Variants in TMEM117 observed in about 807,000 individuals in gnomAD.
TMEM117 encodes transmembrane protein 117.
A neutral mutation model predicts 52.4 loss-of-function variants in TMEM117; 27 were observed. That is an observed-to-expected ratio of 0.51 (90% CI 0.38 to 0.71). The LOEUF (loss-of-function observed/expected upper bound fraction) is 0.71. Ranked by LOEUF, TMEM117 falls within the 30% of genes least tolerant of loss-of-function variation. The pLI is 0.00. For missense variants in TMEM117, 556 were observed against 630.5 expected (o/e 0.88, Z 1.26); for synonymous variants, 215 against 206.3 (o/e 1.04, Z -0.36).
intron 3 of TMEM117, among the ~76,000 whole-genome samples, chr12:44,060,363 C>T (rs1423166154): frequency 6.6e-6 from 1 of 152,112 alleles, no homozygotes; most frequent in Non-Finnish European, 1.5e-5. Context: ...TTTGTCTAGT[C>T]TTTGAAGGAA....
chr12:43,894,335 G>T (rs1003474576), intron 2 of TMEM117, among the ~76,000 whole-genome samples: 2 of 152,040 alleles, frequency 1.3e-5, no homozygotes, highest in Admixed American at 6.6e-5. Context: ...GAGAATGGTG[G>T]CTGGTTCATT....
intron 3 of TMEM117, among the ~76,000 whole-genome samples, chr12:44,045,475 C>T (rs1049038296): frequency 1.1e-4 from 16 of 152,212 alleles, no homozygotes; most frequent in African/African-American, 2.9e-4. Flanking sequence ...CGTGGACTCA[C>T]GGAATGCCTT....
intron 6 of TMEM117, among the ~76,000 whole-genome samples, chr12:44,303,297 C>A (rs565700871): frequency 1.3e-5 from 2 of 152,116 alleles, no homozygotes; most frequent in East Asian, 3.9e-4. Context: ...GATCCGCCCA[C>A]CTCGGCCTCC....
intron 3 of TMEM117, among the ~76,000 whole-genome samples, chr12:44,122,232 G>C (rs1829349538): frequency 6.6e-6 from 1 of 151,840 alleles, no homozygotes; most frequent in African/African-American, 2.4e-5. Flanking sequence ...TTTTAGTAGA[G>C]ACGGGGTTTC....
At chr12:44,374,631 T>TGTGTGA (rs1951914710) in intron 6 of TMEM117, among the ~76,000 whole-genome samples, 1 of 151,384 alleles carries the variant, frequency 6.6e-6, no homozygotes, top group Non-Finnish European at 1.5e-5. Context: ...TGTGTGTGTG[T>TGTGTGA]GTGTGTGTGT....
At chr12:44,179,013 G>A (rs572504726) in intron 4 of TMEM117, among the ~76,000 whole-genome samples, 2 of 152,156 alleles carry the variant, frequency 1.3e-5, no homozygotes, top group South Asian at 2.1e-4. Context: ...GGCCAAAATG[G>A]GAAAACCCCA....
At chr12:43,795,907 G>A in the TMEM117 span, 2 of 682,396 alleles carry the variant, frequency 2.9e-6, no homozygotes, top group Non-Finnish European at 4.8e-6. Flanking sequence ...TCTTTTGGGG[G>A]AAGGGGCTAA....
At chr12:43,892,696 T>C (rs1731457) in intron 2 of TMEM117, among the ~76,000 whole-genome samples, 109,074 of 152,162 alleles carry the variant, frequency 0.72, 42,208 homozygotes, top group East Asian at 0.87. Context: ...ATCTGCAATG[T>C]ATCAGCCACT....
At chr12:44,391,042 A>T (rs1952159129), downstream of TMEM117, among the ~76,000 whole-genome samples, 1 of 152,144 alleles carries the variant, frequency 6.6e-6, no homozygotes, top group South Asian at 2.1e-4. Context: ...ATTACTAAGC[A>T]CAGATTCTAA....
chr12:44,143,662 A>G (rs1294563975), intron 4 of TMEM117, 38 bp downstream of exon 4: 1 of 1,458,380 alleles, frequency 6.9e-7, no homozygotes, highest in Non-Finnish European at 9.6e-7. Flanking sequence ...CAAACATCAA[A>G]CGGAAGACAT....
chr12:44,309,923 A>G (rs1950770097), intron 6 of TMEM117, among the ~76,000 whole-genome samples: 2 of 152,340 alleles, frequency 1.3e-5, no homozygotes, highest in East Asian at 1.9e-4. Flanking sequence ...AAGTTTAGTG[A>G]ATGACGGGAA....
intron 3 of TMEM117, among the ~76,000 whole-genome samples, chr12:44,029,502 C>T (rs142220865): frequency 1.2e-3 from 179 of 152,290 alleles, no homozygotes; most frequent in African/African-American, 4.1e-3. Flanking sequence ...GAGTCCTTCA[C>T]TACTGACAAG....
the TMEM117 span, chr12:43,797,763 T>C: frequency 2.9e-5 from 46 of 1,613,448 alleles, no homozygotes; most frequent in Non-Finnish European, 3.9e-5. Context: ...CTGAAAGGCT[T>C]CTCGAGAAAT....
At chr12:44,059,507 G>A (rs1309341908) in intron 3 of TMEM117, among the ~76,000 whole-genome samples, 2 of 152,062 alleles carry the variant, frequency 1.3e-5, no homozygotes, top group African/African-American at 4.8e-5. Context: ...CTTTCATTTT[G>A]GGGTGGTCTT....
chr12:43,830,537 G>A, the TMEM117 span, among the ~76,000 whole-genome samples: 2 of 151,398 alleles, frequency 1.3e-5, no homozygotes, highest in African/African-American at 2.4e-5. Context: ...TTGAACCCAG[G>A]AGGCAGAGGT....
intron 4 of TMEM117, among the ~76,000 whole-genome samples, chr12:44,192,159 G>T (rs1949363440): frequency 6.6e-6 from 1 of 152,096 alleles, no homozygotes; most frequent in South Asian, 2.1e-4. Context: ...GTGGGTTTGG[G>T]ATAAAGGGTG....
intron 3 of TMEM117, among the ~76,000 whole-genome samples, chr12:44,033,162 C>T (rs1298344932): frequency 6.6e-6 from 1 of 152,188 alleles, no homozygotes; most frequent in Non-Finnish European, 1.5e-5. Context: ...CTGCTACACA[C>T]TTACCAGTGC....
At chr12:44,296,265 G>A (rs552579218) in intron 5 of TMEM117, among the ~76,000 whole-genome samples, 3 of 152,244 alleles carry the variant, frequency 2.0e-5, no homozygotes, top group South Asian at 4.2e-4. Flanking sequence ...GCTCCCACTG[G>A]GTCACTAGGT....
At chr12:43,999,993 C>T (rs1485490260) in intron 3 of TMEM117, among the ~76,000 whole-genome samples, 5 of 152,152 alleles carry the variant, frequency 3.3e-5, no homozygotes, top group Admixed American at 2.6e-4. Flanking sequence ...CAAATTAAAT[C>T]CTGAACTATC....
Sources: gnomAD v4.1 joint callset for allele counts (sites outside exome capture counted in the v4.1 genomes callset) on GRCh38, gnomAD v4.1.1 for gene constraint, MANE v1.5 for transcripts, NCBI Gene and HGNC (gene_info 2026-07-23, HGNC 2026-07-21) for gene names.